The following PPHLN1 variants were observed in gnomAD, a reference collection of about 807,000 sequenced individuals.
PPHLN1 encodes periphilin-1.
In PPHLN1, 29 loss-of-function variants were observed where a neutral mutation model predicts 51.3. That is an observed-to-expected ratio of 0.57 (90% CI 0.42 to 0.77). PPHLN1 has a LOEUF of 0.77. PPHLN1 is among the 30% of genes least tolerant of loss of function. The pLI is 0.00. For missense variants in PPHLN1, 436 were observed against 438.4 expected (o/e 0.99, Z 0.05); for synonymous variants, 147 against 147.8 (o/e 0.99, Z 0.04).
rs540833494 is a variant in PPHLN1, at chr12:42,409,918, T to C, written c.909+10924T>C. ...TATATTGTTCTCCAGTTTTATATTA[T>C]ATCTCTGACAGCTTTATATTGTTCT... is the stretch of plus-strand genomic sequence containing the variant. On this transcript the variant is annotated intron_variant, in intron 9 of 9. Coordinates refer to ENST00000358314, the MANE Select transcript of PPHLN1 (RefSeq NM_201439.2). Among the ~76,000 whole-genome samples the C allele has an allele frequency of 1.2e-3, 185 of 152,286 alleles. 1 individual carries two copies. The highest frequency in any genetic ancestry group is 4.1e-3 in the African/African-American group (172 of 41,588).
chr12:42,425,336 C>T (rs2081361110), intron 9 of PPHLN1, among the ~76,000 whole-genome samples: 1 of 150,732 alleles, frequency 6.6e-6, no homozygotes, highest in African/African-American at 2.5e-5. Context: ...GGTGATCTGC[C>T]TGCCTCGGCC....
intron 8 of PPHLN1, among the ~76,000 whole-genome samples, chr12:42,394,627 ATCTG>A (rs2078036342): frequency 6.6e-6 from 1 of 152,000 alleles, no homozygotes; most frequent in South Asian, 2.1e-4. Flanking sequence ...AAAAATGCTG[ATCTG>A]TCTTTTAGAT....
rs1158420661 is a variant in PPHLN1, at chr12:42,441,740, T to C, written c.*231T>C. 2 of 1,156,498 alleles carry C rather than the reference T, an allele frequency of 1.7e-6. No homozygotes were observed. Among genetic ancestry groups the C allele is most frequent in the Admixed American group, 4.1e-5 (1 of 24,470 alleles). 71.6% of individuals were successfully genotyped at this position (1,156,498 alleles called of 1,614,324 possible). The stretch of plus-strand genomic sequence containing the variant: ...TCACCATGTTGGCCAGGCTAGTCTC[T>C]AACTCCTGGCCTCAAGTGATCTGCC... On this transcript the variant is annotated 3_prime_UTR_variant, in exon 10 of 10. Transcript: ENST00000358314.
At chr12:42,331,790 T>C (rs2069775007) in intron 1 of PPHLN1, 1 of 152,220 alleles carries the variant, frequency 6.6e-6, no homozygotes, top group Non-Finnish European at 1.5e-5. Flanking sequence ...CTTAGATAAC[T>C]TTTCTGGAGT....
intron 2 of PPHLN1, among the ~76,000 whole-genome samples, chr12:42,349,615 G>C (rs1023915811): frequency 1.3e-5 from 2 of 152,106 alleles, no homozygotes; most frequent in Non-Finnish European, 2.9e-5. Flanking sequence ...GACTCTTAAC[G>C]AGCATGCTGC....
At chr12:42,385,542 T>A (rs183194367) in intron 6 of PPHLN1, among the ~76,000 whole-genome samples, 1 of 152,194 alleles carries the variant, frequency 6.6e-6, no homozygotes, top group African/African-American at 2.4e-5. Context: ...AAGGAAACAC[T>A]AAGCAAAAGA....
intron 4 of PPHLN1, among the ~76,000 whole-genome samples, chr12:42,359,834 G>T (rs891969812): frequency 2.6e-5 from 4 of 152,202 alleles, no homozygotes; most frequent in African/African-American, 9.7e-5. Context: ...TTGACCAGGT[G>T]TGATGGCTCA....
chr12:42,378,318 T>G (rs2076478130), intron 5 of PPHLN1, among the ~76,000 whole-genome samples: 1 of 152,066 alleles, frequency 6.6e-6, no homozygotes, highest in African/African-American at 2.4e-5. Context: ...TGCAAAAAAG[T>G]GAATGGAGGT....
intron 5 of PPHLN1, among the ~76,000 whole-genome samples, chr12:42,380,472 A>G (rs1053445723): frequency 2.0e-5 from 3 of 152,214 alleles, no homozygotes; most frequent in Admixed American, 6.5e-5. Flanking sequence ...GAAAGTGTAC[A>G]GTAATTAAAA....
intron 3 of PPHLN1, among the ~76,000 whole-genome samples, chr12:42,354,331 G>C (rs1214394140): frequency 2.0e-5 from 3 of 152,146 alleles, no homozygotes; most frequent in African/African-American, 7.2e-5. Flanking sequence ...TAATTCTCCT[G>C]CCTCAGCCTC....
chr12:42,394,727 C>A lies in PPHLN1; in HGVS notation c.768+1038C>A, dbSNP rs1307340071. Among the ~76,000 whole-genome samples the A allele has an allele frequency of 2.0e-5, 3 of 151,996 alleles. No individual in the cohort carries two copies. In the East Asian group the frequency reaches 5.8e-4, roughly 29 times the overall value. ...TATGCATATTCTCCAGTAAATGTAT[C>A]AAAAACACCAAGCTGTTCCTTCTTG... On this transcript the variant is annotated intron_variant, in intron 8 of 9. Transcript: ENST00000358314.
chr12:42,330,956 G>A (rs1044873035), intron 1 of PPHLN1, among the ~76,000 whole-genome samples: 6 of 152,150 alleles, frequency 3.9e-5, no homozygotes, highest in African/African-American at 9.7e-5. Context: ...TGATCCGCGC[G>A]CCTCGGCCTC....
downstream of PPHLN1, chr12:42,444,785 G>C: frequency 6.7e-6 from 3 of 447,814 alleles, no homozygotes; most frequent in Non-Finnish European, 7.9e-6. Context: ...AACTACTTCA[G>C]TTCTTATCTA....
intron 5 of PPHLN1, among the ~76,000 whole-genome samples, chr12:42,384,614 G>A (rs979577398): frequency 6.6e-6 from 1 of 152,172 alleles, no homozygotes; most frequent in African/African-American, 2.4e-5. Context: ...AATAAGATGT[G>A]ATCTTTGTCT....
intron 4 of PPHLN1, among the ~76,000 whole-genome samples, chr12:42,372,030 C>G (rs1175477253): frequency 1.3e-5 from 2 of 151,854 alleles, no homozygotes; most frequent in East Asian, 1.9e-4. Flanking sequence ...GTCCTCACCC[C>G]CTCTCACCCT....
intron 7 of PPHLN1, among the ~76,000 whole-genome samples, chr12:42,391,525 T>A (rs2077713810): frequency 6.6e-6 from 1 of 152,200 alleles, no homozygotes; most frequent in African/African-American, 2.4e-5. Flanking sequence ...ATTACAGGTA[T>A]GAGCCACTGC....
At chr12:42,400,581 C>G (rs1279550243) in intron 9 of PPHLN1, 1 of 152,030 alleles carries the variant, frequency 6.6e-6, no homozygotes, top group Non-Finnish European at 1.5e-5. Context: ...CAGCCTGTTG[C>G]TCAGGCTGTT....
intron 9 of PPHLN1, among the ~76,000 whole-genome samples, chr12:42,434,363 C>T (rs2082300950): frequency 6.6e-6 from 1 of 152,038 alleles, no homozygotes; most frequent in Non-Finnish European, 1.5e-5. Flanking sequence ...ATGGGATGAT[C>T]ATAAAAGTTG....
chr12:42,418,174 C>T (rs1406002689), intron 9 of PPHLN1, among the ~76,000 whole-genome samples: 2 of 141,768 alleles, frequency 1.4e-5, no homozygotes, highest in Non-Finnish European at 3.0e-5. Context: ...CTCATGACCT[C>T]GTGATCTGCC....
Sources: allele counts gnomAD v4.1 joint callset (sites outside exome capture counted in the v4.1 genomes callset), GRCh38; gene constraint gnomAD v4.1.1; transcripts MANE v1.5; gene names NCBI Gene and HGNC (gene_info 2026-07-23, HGNC 2026-07-21).